Variants in CSMD3 observed in about 807,000 individuals in gnomAD.
The protein encoded by CSMD3 is CUB and sushi domain-containing protein 3.
In CSMD3, 177 loss-of-function variants were observed where a neutral mutation model predicts 435.2. That is an observed-to-expected ratio of 0.41 (90% CI 0.36 to 0.46). CSMD3 has a LOEUF of 0.46. CSMD3 is among the 20% of genes least tolerant of loss of function. CSMD3 has a pLI of 0.34. For missense variants in CSMD3, 4,265 were observed against 4,504.6 expected (o/e 0.95, Z 1.52); for synonymous variants, 1,656 against 1,520.5 (o/e 1.09, Z -2.07).
intron 26 of CSMD3, among the ~76,000 whole-genome samples, chr8:112,551,848 A>C (rs1178424253): frequency 1.3e-5 from 2 of 152,028 alleles, no homozygotes; most frequent in African/African-American, 4.8e-5. Flanking sequence ...GTAATTCTTA[A>C]GTTTTAAAGT....
chr8:113,079,924 G>C (rs1250010743), intron 5 of CSMD3, among the ~76,000 whole-genome samples: 1 of 151,152 alleles, frequency 6.6e-6, no homozygotes, highest in Admixed American at 6.6e-5. Context: ...CATAGCCTTG[G>C]TATTTTTAAA....
At chr8:112,841,974 T>G (rs527295553) in intron 11 of CSMD3, among the ~76,000 whole-genome samples, 9 of 151,916 alleles carry the variant, frequency 5.9e-5, no homozygotes, top group Admixed American at 1.3e-4. Context: ...TCTTGCTGTG[T>G]GAGGGCAATT....
chr8:112,327,224 T>A (rs1823597880), intron 45 of CSMD3, among the ~76,000 whole-genome samples: 1 of 152,112 alleles, frequency 6.6e-6, no homozygotes, highest in Admixed American at 6.6e-5. Context: ...CAAATCAAAG[T>A]TAGAAAATAC....
chr8:112,947,748 C>A (rs2083663886), intron 9 of CSMD3, 42 bp downstream of exon 9: 4 of 849,826 alleles, frequency 4.7e-6, no homozygotes, highest in Non-Finnish European at 8.1e-6. Flanking sequence ...TAAAATAAAC[C>A]TTGACAAGAT....
intron 1 of CSMD3, among the ~76,000 whole-genome samples, chr8:113,434,118 C>T (rs529669104): frequency 3.6e-4 from 55 of 152,304 alleles, no homozygotes; most frequent in South Asian, 2.7e-3. Context: ...CCCACTAAGC[C>T]TCTTTGTCAT....
In CSMD3 at chr8:112,306,180, C is replaced by G. The variant is rs2130788583; in HGVS notation, c.7898G>C (p.Gly2633Ala). 6.2e-7 allele frequency: 1 copy of G among 1,613,072 alleles called. No homozygotes were observed. The change falls in exon 51 of 71, where the codon GGG (glycine) becomes GCG (alanine). Residue 2633 changes from glycine (G) to alanine (A), a missense_variant. Gly to Ala is a moderately conservative substitution (Grantham distance 60). This residue lies in a region of CSMD3 where 3,255 missense variants were observed against 3,380.2 expected (regional missense o/e 0.96). Coordinates refer to ENST00000297405, the MANE Select transcript of CSMD3 (RefSeq NM_198123.2). Reference protein sequence around the residue: ...PVPACQAISCGIPKAPTNGGI... With the variant: ...PVPACQAISCAIPKAPTNGGI... ...TCCATTTGTTGGAGCTTTAGGAATC[C>G]CACAGGAAATTGCTAGAAAAACATA...
intron 54 of CSMD3, among the ~76,000 whole-genome samples, chr8:112,294,225 G>A (rs1466699945): frequency 6.6e-6 from 1 of 151,832 alleles, no homozygotes; most frequent in African/African-American, 2.4e-5. Context: ...ACGTTTCTGT[G>A]GATTGGATCA....
intron 4 of CSMD3, among the ~76,000 whole-genome samples, chr8:113,124,887 G>T (rs970263905): frequency 6.6e-6 from 1 of 151,860 alleles, no homozygotes; most frequent in African/African-American, 2.4e-5. Flanking sequence ...TTCCTATTCA[G>T]TCTATTCTAT....
At chr8:113,197,576 G>A (rs1433769548) in intron 3 of CSMD3, among the ~76,000 whole-genome samples, 1 of 151,096 alleles carries the variant, frequency 6.6e-6, no homozygotes, top group Non-Finnish European at 1.5e-5. Context: ...ACTTATAAAA[G>A]TAATGTATAT....
intron 1 of CSMD3, among the ~76,000 whole-genome samples, chr8:113,385,655 A>G (rs1320877332): frequency 6.6e-6 from 1 of 152,116 alleles, no homozygotes; most frequent in Non-Finnish European, 1.5e-5. Context: ...AGAGCTGGGG[A>G]TTGAATTTGT....
chr8:113,368,203 A>G (rs2094325215), intron 1 of CSMD3, among the ~76,000 whole-genome samples: 1 of 152,084 alleles, frequency 6.6e-6, no homozygotes, highest in Non-Finnish European at 1.5e-5. Context: ...TCCCCTTTTG[A>G]CTAATACTAA....
In CSMD3 at chr8:112,976,027, A is replaced by C. The variant is rs1357007212; in HGVS notation, c.1152T>G (p.Ala384=). ...CCTCGGAAAGTCTATGGATGGTGAC[A>C]GCTGTAACACTGGATACAGTAACAT... The part of the protein sequence containing the change: ...PADVTVSSVT[A]VTIHRLSEEQ... Residue 384 remains alanine, a synonymous_variant, in exon 7 of 71, where the codon GCT becomes GCG. Coordinates refer to ENST00000297405, the MANE Select transcript of CSMD3 (RefSeq NM_198123.2). The C allele has an allele frequency of 1.2e-6, 2 of 1,613,950 alleles. No individual in the cohort carries two copies. The highest frequency in any genetic ancestry group is 1.3e-5 in the African/African-American group (1 of 74,908).
At chr8:113,215,114 T>C (rs1422582124) in intron 3 of CSMD3, among the ~76,000 whole-genome samples, 1 of 151,914 alleles carries the variant, frequency 6.6e-6, no homozygotes, top group African/African-American at 2.4e-5. Context: ...TTTATGGCTT[T>C]AAAGATAAAT....
At chr8:112,726,053 G>T (rs2076957239) in intron 13 of CSMD3, among the ~76,000 whole-genome samples, 1 of 151,896 alleles carries the variant, frequency 6.6e-6, no homozygotes, top group African/African-American at 2.4e-5. Flanking sequence ...TCTTTACAAG[G>T]TGGCAGAAAG....
intron 32 of CSMD3, among the ~76,000 whole-genome samples, chr8:112,461,131 A>G (rs541772902): frequency 1.3e-5 from 2 of 152,312 alleles, no homozygotes; most frequent in South Asian, 4.1e-4. Context: ...TTTTAATTAT[A>G]ATCAGCATTG....
intron 7 of CSMD3, among the ~76,000 whole-genome samples, chr8:112,967,977 G>A (rs139257850): frequency 6.6e-6 from 1 of 151,954 alleles, no homozygotes; most frequent in East Asian, 1.9e-4. Flanking sequence ...AGTGAAGAGA[G>A]TAAGAATAGC....
intron 12 of CSMD3, among the ~76,000 whole-genome samples, chr8:112,825,899 C>G (rs893232146): frequency 1.3e-5 from 2 of 152,130 alleles, no homozygotes; most frequent in Non-Finnish European, 1.5e-5. Context: ...GAAAATCACT[C>G]GTCTGGTCTG....
intron 6 of CSMD3, among the ~76,000 whole-genome samples, chr8:113,013,979 T>A (rs1214073030): frequency 1.3e-5 from 2 of 152,158 alleles, no homozygotes; most frequent in African/African-American, 4.8e-5. Flanking sequence ...CTGCAATTTC[T>A]GGTGCAGAAC....
At chr8:112,295,435 C>T (rs574270106) in intron 54 of CSMD3, among the ~76,000 whole-genome samples, 1 of 151,998 alleles carries the variant, frequency 6.6e-6, no homozygotes, top group African/African-American at 2.4e-5. Flanking sequence ...AATATTTATC[C>T]AAAATATTTT....
Sources: gnomAD v4.1 joint callset for allele counts (sites outside exome capture counted in the v4.1 genomes callset) on GRCh38, gnomAD v4.1.1 for gene constraint, gnomAD v4.1.1 regional missense constraint, MANE v1.5 for transcripts, NCBI Gene and HGNC (gene_info 2026-07-23, HGNC 2026-07-21) for gene names.